Variants in PURA observed in about 807,000 individuals in gnomAD.
PURA encodes the protein transcriptional activator protein Pur-alpha.
A neutral mutation model predicts 23.1 loss-of-function variants in PURA; 2 were observed. The observed-to-expected ratio is 0.09, with a 90% CI of 0.04 to 0.27. The LOEUF (loss-of-function observed/expected upper bound fraction) is 0.27. PURA is among the 10% of genes least tolerant of loss of function. The probability of loss-of-function intolerance (pLI) is 1.00; values close to 1 mark genes in which losing one functional copy is unlikely to be tolerated. For missense variants in PURA, 187 were observed against 449.7 expected (o/e 0.42, Z 5.28); for synonymous variants, 254 against 205.9 (o/e 1.23, Z -2.00).
rs566627139 is a variant in PURA at position 140,114,463 on chromosome 5, C to G, written c.282C>G (p.Gly94=). The change falls in exon 1 of 1, where the codon GGC becomes GGG. Residue 94 remains glycine (G), a synonymous_variant. Coordinates refer to ENST00000331327, the MANE Select transcript of PURA (RefSeq NM_005859.5). ...TGAAGATCGCCGAGGTGGGCGCGGG[C>G]GGCAACAAGAGCCGCCTTACTCTCT... ...RFLKIAEVGA[G]GNKSRLTLSM... is the part of the protein sequence containing the mutation. The G allele has an allele frequency of 3.1e-6, 5 of 1,612,578 alleles. No individual in the cohort carries two copies. The African/African-American group carries it at 6.7e-5, about 22-fold the overall frequency.
rs754074166 is a variant in PURA at position 140,114,310 on chromosome 5, T to TGGCGGC, written c.141_146dup (p.Gly48_Gly49dup). Reference sequence around the variant, plus strand: ...GTGGCGGCGGGGGCGGCGGCGGCAGTGGCGGCGGCGGCGGCGGGGCCCCAG... The same window carrying TGGCGGC: ...GTGGCGGCGGGGGCGGCGGCGGCAGTGGCGGCGGCGGCGGCGGCGGCGGGGCCCCAG... On this transcript the variant is annotated inframe_insertion, in exon 1 of 1. Coordinates refer to ENST00000331327, the MANE Select transcript of PURA (RefSeq NM_005859.5). The TGGCGGC allele has an allele frequency of 6.1e-5, 79 of 1,291,080 alleles. No individual in the cohort carries two copies. The highest frequency in any genetic ancestry group is 8.0e-5 in the Admixed American group (2 of 24,994). The allele number at this position is 1,291,080 out of a possible 1,614,324, so 80.0% of individuals were successfully genotyped here. A position where few individuals can be genotyped will look rare whatever the true frequency, so the allele number is the denominator to read the frequency against.
rs1054758272 is a variant in PURA at position 140,121,428 on chromosome 5, C to A, written c.*6278C>A. 6.0e-6 allele frequency: 1 copy of A among 166,938 alleles called. No homozygotes were observed. The highest frequency in any genetic ancestry group is 6.6e-5 in the Admixed American group (1 of 15,252). 10.3% of individuals were successfully genotyped at this position (166,938 alleles called of 1,614,324 possible). A position where few individuals can be genotyped will look rare whatever the true frequency, so the allele number is the denominator to read the frequency against. On this transcript the variant is annotated 3_prime_UTR_variant, in exon 1 of 1. Coordinates refer to ENST00000331327, the MANE Select transcript of PURA (RefSeq NM_005859.5). ...AGACACATGTTGAGTTTGGGTCAAA[C>A]TCCCATTCAGCTGGAGTGGATTGGC...
At position 140,120,225 on chromosome 5, in the gene PURA, T is replaced by C. The variant is rs977428068; in HGVS notation, c.*5075T>C. 8 of 166,878 alleles carry C rather than the reference T, an allele frequency of 4.8e-5. No individual in the cohort carries two copies. Among genetic ancestry groups the C allele is most frequent in the African/African-American group, 1.7e-4 (7 of 41,542 alleles). The allele number at this position is 166,878 out of a possible 1,614,324, so 10.3% of individuals were successfully genotyped here. A position where few individuals can be genotyped will look rare whatever the true frequency, so the allele number is the denominator to read the frequency against. On this transcript the variant is annotated 3_prime_UTR_variant, in exon 1 of 1. Coordinates refer to ENST00000331327, the MANE Select transcript of PURA (RefSeq NM_005859.5). Reference sequence around the variant, plus strand: ...AGATGTATACACACACATACACATATATATGTATATATACATTGTGTGTGT... The same window carrying C: ...AGATGTATACACACACATACACATACATATGTATATATACATTGTGTGTGT...
rs1763123460 is a variant in PURA, at chr5:140,119,242, T to G, written c.*4092T>G. The G allele has an allele frequency of 6.0e-6, 1 of 166,838 alleles. No homozygotes were observed. The highest frequency in any genetic ancestry group is 2.4e-5 in the African/African-American group (1 of 41,424). 10.3% of individuals were successfully genotyped at this position (166,838 alleles called of 1,614,324 possible). ...CTGCCTCCTTTTTTGAAGAGAGAGA[T>G]TAAGGATTTTTATAATTGTTTTTCA... On this transcript the variant is annotated 3_prime_UTR_variant, in exon 1 of 1. Transcript: ENST00000331327.
Position 140,114,148 on chromosome 5 carries a change from A to AGGC in PURA, c.-23_-21dup, listed in dbSNP as rs991138749. On this transcript the variant is annotated 5_prime_UTR_variant, in exon 1 of 1. Transcript: ENST00000331327. ...CGACTGAGGCGGCGGGCGGAGCGGC[A>AGGC]GGCGGCGGCGGCGCGGCAGCGGAGC... is the stretch of plus-strand genomic sequence containing the variant. The AGGC allele has an allele frequency of 8.6e-5, 44 of 513,906 alleles. No individual in the cohort carries two copies. The highest frequency in any genetic ancestry group is 5.1e-4 in the African/African-American group (25 of 49,038). The allele number at this position is 513,906 out of a possible 1,614,324, so 31.8% of individuals were successfully genotyped here.
In PURA at chr5:140,114,336, G is replaced by T. The variant is rs763614822; in HGVS notation, c.155G>T (p.Gly52Val). The change falls in exon 1 of 1, where the codon GGG (glycine) becomes GTG (valine). Residue 52 changes from glycine to valine, a missense_variant. Around this residue, in one of 9 missense-constraint regions of PURA, gnomAD observed 27 missense variants for 55.2 expected, o/e 0.49. Transcript: ENST00000331327. ...GSGGGGGGAPGGLQHETQELA... is the reference protein window; with the variant it reads ...GSGGGGGGAPVGLQHETQELA... ...GGCGGCGGCGGCGGCGGGGCCCCAG[G>T]GGGGCTGCAGCACGAGACGCAGGAG... 22 of 1,471,974 alleles carry T rather than the reference G, an allele frequency of 1.5e-5. No homozygotes were observed. The highest frequency in any genetic ancestry group is 2.0e-5 in the Non-Finnish European group (22 of 1,113,694). 91.2% of individuals were successfully genotyped at this position (1,471,974 alleles called of 1,614,324 possible). A position where few individuals can be genotyped will look rare whatever the true frequency, so the allele number is the denominator to read the frequency against.
rs1445592008 is a variant in PURA at position 140,123,605 on chromosome 5, T to A, written c.*8455T>A. 9 of 166,460 alleles carry A rather than the reference T, an allele frequency of 5.4e-5. No homozygotes were observed. The highest frequency in any genetic ancestry group is 1.3e-4 in the Non-Finnish European group (9 of 68,046). The allele number at this position is 166,460 out of a possible 1,614,324, so 10.3% of individuals were successfully genotyped here. A position where few individuals can be genotyped will look rare whatever the true frequency, so the allele number is the denominator to read the frequency against. ...TAATGTTAGCTGTATAAAACAAAAA[T>A]TTGTTCTGATAAAATTTTTAATATG... On this transcript the variant is annotated 3_prime_UTR_variant, in exon 1 of 1. Coordinates refer to ENST00000331327, the MANE Select transcript of PURA (RefSeq NM_005859.5).
rs1281570010 is a variant in PURA at position 140,124,915 on chromosome 5, A to T, written c.*9765A>T. 2 of 167,012 alleles carry T rather than the reference A, an allele frequency of 1.2e-5. No homozygotes were observed. The highest frequency in any genetic ancestry group is 2.9e-5 in the Non-Finnish European group (2 of 68,102). 10.3% of individuals were successfully genotyped at this position (167,012 alleles called of 1,614,324 possible). A position where few individuals can be genotyped will look rare whatever the true frequency, so the allele number is the denominator to read the frequency against. On this transcript the variant is annotated 3_prime_UTR_variant, in exon 1 of 1. Transcript: ENST00000331327. ...TGGAGTTTAACCAGCTTAATTAATG[A>T]TTTTTCCAGTTTGAAGCACTTATTT...
chr5:140,124,064 A>G lies in PURA; in HGVS notation c.*8914A>G, dbSNP rs976346926. The G allele has an allele frequency of 3.1e-4, 51 of 166,996 alleles. No individual in the cohort carries two copies. The highest frequency in any genetic ancestry group is 1.1e-3 in the African/African-American group (44 of 41,438). The allele number at this position is 166,996 out of a possible 1,614,324, so 10.3% of individuals were successfully genotyped here. Reference sequence around the variant, plus strand: ...ACCAGATGCGGTCTTATGACCTCAAAGATGTGCTCTAGAAAGAAAATAACA... The same window carrying G: ...ACCAGATGCGGTCTTATGACCTCAAGGATGTGCTCTAGAAAGAAAATAACA... On this transcript the variant is annotated 3_prime_UTR_variant, in exon 1 of 1. Transcript: ENST00000331327.
chr5:140,114,336 G>C lies in PURA; in HGVS notation c.155G>C (p.Gly52Ala). The C allele has an allele frequency of 6.8e-7, 1 of 1,471,974 alleles. No individual in the cohort carries two copies. The highest frequency in any genetic ancestry group is 9.0e-7 in the Non-Finnish European group (1 of 1,113,694). The allele number at this position is 1,471,974 out of a possible 1,614,324, so 91.2% of individuals were successfully genotyped here. The change falls in exon 1 of 1, where the codon GGG becomes GCG. Residue 52 changes from glycine to alanine, a missense_variant. By Grantham distance (60) the Gly-to-Ala change is moderately conservative. Transcript: ENST00000331327. ...GGCGGCGGCGGCGGCGGGGCCCCAG[G>C]GGGGCTGCAGCACGAGACGCAGGAG... ...GSGGGGGGAP[G>A]GLQHETQELA...
chr5:140,114,546 C>G lies in PURA; in HGVS notation c.365C>G (p.Ala122Gly), dbSNP rs1763045282. ...DYLGDFIEHYAQLGPSQPPDL... is the reference protein window; with the variant it reads ...DYLGDFIEHYGQLGPSQPPDL... ...CTGGGCGACTTCATCGAGCACTACG[C>G]GCAGCTGGGCCCCAGCCAGCCGCCG... The change falls in exon 1 of 1, where the codon GCG (alanine) becomes GGG (glycine). Residue 122 changes from alanine to glycine, a missense_variant. Transcript: ENST00000331327. 1 of 1,602,804 alleles carries G rather than the reference C, an allele frequency of 6.2e-7. No individual in the cohort carries two copies. The highest frequency in any genetic ancestry group is 1.3e-5 in the African/African-American group (1 of 74,928).
rs2126752741 is a variant in PURA, at chr5:140,122,242, T to C, written c.*7092T>C. ...AGTTATTATTTTGAGGAAAAGAAAA[T>C]TTCAAGCTTTTCACCATTATTCTTT... On this transcript the variant is annotated 3_prime_UTR_variant, in exon 1 of 1. Coordinates refer to ENST00000331327, the MANE Select transcript of PURA (RefSeq NM_005859.5). The C allele has an allele frequency of 6.0e-6, 1 of 166,848 alleles. No individual in the cohort carries two copies. The highest frequency in any genetic ancestry group is 1.9e-4 in the East Asian group (1 of 5,174). The allele number at this position is 166,848 out of a possible 1,614,324, so 10.3% of individuals were successfully genotyped here. A position where few individuals can be genotyped will look rare whatever the true frequency, so the allele number is the denominator to read the frequency against.
At position 140,120,836 on chromosome 5, in the gene PURA, A is replaced by T. The variant is rs912982343; in HGVS notation, c.*5686A>T. On this transcript the variant is annotated 3_prime_UTR_variant, in exon 1 of 1. Transcript: ENST00000331327. ...ACTTGTTAACATTTTTCTTAACAAGAATGTCATAACTACTCATTCATTTTT... is the reference window on the plus strand; with the variant it reads ...ACTTGTTAACATTTTTCTTAACAAGTATGTCATAACTACTCATTCATTTTT... 1 of 166,744 alleles carries T rather than the reference A, an allele frequency of 6.0e-6. No individual in the cohort carries two copies. The highest frequency in any genetic ancestry group is 1.5e-5 in the Non-Finnish European group (1 of 67,980). The allele number at this position is 166,744 out of a possible 1,614,324, so 10.3% of individuals were successfully genotyped here.
chr5:140,114,505 G>C lies in PURA; in HGVS notation c.324G>C (p.Val108=), dbSNP rs1404281292. 6.2e-7 allele frequency: 1 copy of C among 1,610,880 alleles called. No individual in the cohort carries two copies. The highest frequency in any genetic ancestry group is 2.2e-5 in the East Asian group (1 of 44,794). Residue 108 remains valine (V), a synonymous_variant, in exon 1 of 1, where the codon GTG becomes GTC. Transcript: ENST00000331327. ...TTACTCTCTCCATGTCAGTGGCCGTGGAGTTCCGCGACTACCTGGGCGACT... is the reference window on the plus strand; with the variant it reads ...TTACTCTCTCCATGTCAGTGGCCGTCGAGTTCCGCGACTACCTGGGCGACT... ...SRLTLSMSVA[V]EFRDYLGDFI...
At position 140,125,131 on chromosome 5, in the gene PURA, C is replaced by T. The variant is rs886426761; in HGVS notation, c.*9981C>T. ...TGATGACAGTGTGATGGATCCTCTA[C>T]CCAAGAAAAAAAAAATGCCCATCCC... On this transcript the variant is annotated 3_prime_UTR_variant, in exon 1 of 1. Transcript: ENST00000331327. 1.2e-5 allele frequency: 2 copies of T among 166,556 alleles called. No homozygotes were observed. Among genetic ancestry groups the T allele is most frequent in the Non-Finnish European group, 2.9e-5 (2 of 68,028 alleles). The allele number at this position is 166,556 out of a possible 1,614,324, so 10.3% of individuals were successfully genotyped here.
Position 140,114,592 on chromosome 5 carries a change from C to G in PURA, c.411C>G (p.Asp137Glu). The G allele has an allele frequency of 6.2e-7, 1 of 1,602,660 alleles. No individual in the cohort carries two copies. Among genetic ancestry groups the G allele is most frequent in the Non-Finnish European group, 8.5e-7 (1 of 1,176,666 alleles). The stretch of plus-strand genomic sequence containing the variant: ...CGCCGGACCTGGCCCAGGCGCAGGA[C>G]GAGCCGCGCCGGGCGCTCAAAAGCG... ...SQPPDLAQAQ[D>E]EPRRALKSEF... The change falls in exon 1 of 1, where the codon GAC (aspartate) becomes GAG (glutamate). Residue 137 changes from aspartate to glutamate, a missense_variant. Asp to Glu is a conservative substitution (Grantham distance 45). Around this residue, in one of 9 missense-constraint regions of PURA, gnomAD observed 26 missense variants for 29.1 expected, o/e 0.89. Coordinates refer to ENST00000331327, the MANE Select transcript of PURA (RefSeq NM_005859.5).
In PURA at chr5:140,124,460, A is replaced by G. The variant is rs1763184640; in HGVS notation, c.*9310A>G. ...AATTCTGTTGAACATTCAGTGATGT[A>G]TTTGAAATGAGAAAGTCCTTTATAA... On this transcript the variant is annotated 3_prime_UTR_variant, in exon 1 of 1. Transcript: ENST00000331327. The G allele has an allele frequency of 6.0e-6, 1 of 167,018 alleles. No homozygotes were observed. Among genetic ancestry groups the G allele is most frequent in the Non-Finnish European group, 1.5e-5 (1 of 68,094 alleles). The allele number at this position is 167,018 out of a possible 1,614,324, so 10.3% of individuals were successfully genotyped here. A position where few individuals can be genotyped will look rare whatever the true frequency, so the allele number is the denominator to read the frequency against.
Position 140,117,195 on chromosome 5 carries a change from A to T in PURA, c.*2045A>T, listed in dbSNP as rs1301536847. ...AATGTTAAATATGAGGTGACCGTAC[A>T]GTAGTTAGGAGTTTCTTTACTTACA... On this transcript the variant is annotated 3_prime_UTR_variant, in exon 1 of 1. Transcript: ENST00000331327. The T allele has an allele frequency of 1.8e-5, 3 of 167,100 alleles. No homozygotes were observed. Among genetic ancestry groups the T allele is most frequent in the African/African-American group, 7.2e-5 (3 of 41,472 alleles). 10.4% of individuals were successfully genotyped at this position (167,100 alleles called of 1,614,324 possible).
chr5:140,121,405 A>G lies in PURA; in HGVS notation c.*6255A>G, dbSNP rs1763151980. ...TAGCCATCAGCTAATGACTTATCAG[A>G]CACATGTTGAGTTTGGGTCAAACTC... is the stretch of plus-strand genomic sequence containing the variant. On this transcript the variant is annotated 3_prime_UTR_variant, in exon 1 of 1. Coordinates refer to ENST00000331327, the MANE Select transcript of PURA (RefSeq NM_005859.5). 1.2e-5 allele frequency: 2 copies of G among 166,970 alleles called. No homozygotes were observed. Among genetic ancestry groups the G allele is most frequent in the South Asian group, 4.1e-4 (2 of 4,836 alleles). The allele number at this position is 166,970 out of a possible 1,614,324, so 10.3% of individuals were successfully genotyped here. A position where few individuals can be genotyped will look rare whatever the true frequency, so the allele number is the denominator to read the frequency against.
Sources: gnomAD v4.1 joint callset for allele counts on GRCh38, gnomAD v4.1.1 for gene constraint, gnomAD v4.1.1 regional missense constraint, MANE v1.5 for transcripts, NCBI Gene and HGNC (gene_info 2026-07-23, HGNC 2026-07-21) for gene names.